The following ERC1 variants were observed in gnomAD, a reference collection of about 807,000 sequenced individuals.
ERC1 encodes the protein ELKS/RAB6-interacting/CAST family member 1, also known as RAB6 interacting protein 2.
In ERC1, 56 loss-of-function variants were observed where a neutral mutation model predicts 132.0. The ratio of observed to expected loss-of-function variants is 0.42; its 90% CI spans 0.34 to 0.53. The LOEUF is 0.53. Ranked by LOEUF, ERC1 falls within the 20% of genes least tolerant of loss-of-function variation. The pLI, the probability that ERC1 is intolerant of heterozygous loss-of-function variation, is 0.03. For missense variants in ERC1, 1,202 were observed against 1,349.9 expected, an observed-to-expected ratio of 0.89 and a Z score of 1.72; for synonymous variants, 478 against 476.1, an observed-to-expected ratio of 1.00 and a Z score of -0.05.
chr12:1,236,055 T>C (rs1264657993), intron 12 of ERC1, among the ~76,000 whole-genome samples: 7 of 152,182 alleles, frequency 4.6e-5, no homozygotes, highest in African/African-American at 1.7e-4. Flanking sequence ...TATCATTCTG[T>C]ACTAAAAAGA....
At position 1,195,802 on chromosome 12, in the gene ERC1, C is replaced by A. The variant is rs754869252; in HGVS notation, c.2351+5750C>A. 1.3e-3 allele frequency among the ~76,000 whole-genome samples: 179 copies of A among 142,708 alleles called. 1 individual carries two copies. The highest frequency in any genetic ancestry group is 1.6e-3 in the Admixed American group (22 of 14,108). 93.6% of individuals were successfully genotyped at this position (142,708 alleles called of 152,430 possible). ...ATAGGACAATTTCTGATTGTTTAAG[C>A]CAGTTTGAATGAGGATTCTCCGTTA... On this transcript the variant is annotated intron_variant, in intron 12 of 18. Transcript: ENST00000360905.
intron 8 of ERC1, among the ~76,000 whole-genome samples, chr12:1,143,325 G>C (rs1950021453): frequency 7.9e-6 from 1 of 126,346 alleles, no homozygotes; most frequent in Non-Finnish European, 1.7e-5. Context: ...TTTGGCTTTT[G>C]ACTCGTGTGT....
chr12:1,013,957 A>T (rs1965105161), intron 1 of ERC1, among the ~76,000 whole-genome samples: 1 of 151,944 alleles, frequency 6.6e-6, no homozygotes, highest in Non-Finnish European at 1.5e-5. Context: ...GCTGATCTGA[A>T]GTGATCCTTT....
intron 7 of ERC1, among the ~76,000 whole-genome samples, chr12:1,123,706 T>A (rs932858204): frequency 2.0e-5 from 3 of 152,138 alleles, no homozygotes; most frequent in Non-Finnish European, 4.4e-5. Flanking sequence ...TTTAAATACA[T>A]AAAGCGGGCC....
At chr12:1,001,077 T>C (rs1380705583) in intron 1 of ERC1, among the ~76,000 whole-genome samples, 1 of 152,036 alleles carries the variant, frequency 6.6e-6, no homozygotes, top group East Asian at 1.9e-4. Flanking sequence ...CTAATTTTTG[T>C]TTTTAGTAGA....
intron 14 of ERC1, 56 bp downstream of exon 14, chr12:1,263,221 A>G: frequency 6.4e-7 from 1 of 1,570,472 alleles, no homozygotes; most frequent in Non-Finnish European, 8.7e-7. Context: ...AAGGTAACAC[A>G]CAACCAGTAT....
intron 1 of ERC1, chr12:991,931 C>T (rs757088062): frequency 2.1e-5 from 3 of 144,144 alleles, no homozygotes; most frequent in Non-Finnish European, 3.0e-5. Flanking sequence ...TTTTATTGCA[C>T]TAGATCTCAC....
At chr12:1,403,955 T>C (rs551231401) in intron 16 of ERC1, among the ~76,000 whole-genome samples, 1 of 152,366 alleles carries the variant, frequency 6.6e-6, no homozygotes, top group East Asian at 1.9e-4. Context: ...TCCTTTCTTC[T>C]ATTTTCCTTT....
intron 8 of ERC1, chr12:1,152,653 TTACTATAC>T (rs1950939225): frequency 6.5e-6 from 1 of 152,782 alleles, no homozygotes; most frequent in South Asian, 2.1e-4. Flanking sequence ...GATGGCCCAT[TTACTATAC>T]TACAGGGCAT....
chr12:1,193,545 T>G (rs937907046), intron 12 of ERC1, among the ~76,000 whole-genome samples: 2 of 151,994 alleles, frequency 1.3e-5, no homozygotes, highest in African/African-American at 4.8e-5. Context: ...TTTATATATA[T>G]TAATATATGC....
intron 16 of ERC1, among the ~76,000 whole-genome samples, chr12:1,388,502 G>A (rs895490206): frequency 6.6e-6 from 1 of 152,140 alleles, no homozygotes; most frequent in African/African-American, 2.4e-5. Context: ...CACTACTCCT[G>A]GGCAGTGACG....
intron 15 of ERC1, among the ~76,000 whole-genome samples, chr12:1,351,436 G>A (rs2084986314): frequency 6.6e-6 from 1 of 152,212 alleles, no homozygotes; most frequent in African/African-American, 2.4e-5. Context: ...CGGTGAATGA[G>A]AATTCCTGTT....
intron 14 of ERC1, among the ~76,000 whole-genome samples, chr12:1,276,128 C>T (rs192185164): frequency 2.0e-5 from 3 of 152,144 alleles, no homozygotes; most frequent in Non-Finnish European, 4.4e-5. Context: ...ATCTCTTCAA[C>T]CTTACCTTAT....
At chr12:1,282,623 T>C (rs1488111513) in intron 14 of ERC1, among the ~76,000 whole-genome samples, 1 of 152,164 alleles carries the variant, frequency 6.6e-6, no homozygotes, top group Non-Finnish European at 1.5e-5. Context: ...TTAGCAATAG[T>C]TGTGAGATCC....
intron 15 of ERC1, among the ~76,000 whole-genome samples, chr12:1,299,912 A>G (rs915034961): frequency 2.6e-5 from 4 of 152,226 alleles, no homozygotes; most frequent in African/African-American, 9.6e-5. Flanking sequence ...AATTTATTAA[A>G]ACTGGCTCAA....
intron 16 of ERC1, among the ~76,000 whole-genome samples, chr12:1,402,951 A>G (rs539910089): frequency 6.2e-4 from 94 of 152,388 alleles, no homozygotes; most frequent in African/African-American, 2.2e-3. Context: ...AAATCTAATT[A>G]GAATTTAAAC....
At chr12:1,293,873 C>T (rs2079696473) in intron 15 of ERC1, among the ~76,000 whole-genome samples, 1 of 152,028 alleles carries the variant, frequency 6.6e-6, no homozygotes, top group South Asian at 2.1e-4. Flanking sequence ...AGTCTGTAGA[C>T]ATATGATAAA....
chr12:1,283,522 A>C (rs889406540), intron 14 of ERC1, among the ~76,000 whole-genome samples: 1 of 152,218 alleles, frequency 6.6e-6, no homozygotes, highest in Non-Finnish European at 1.5e-5. Flanking sequence ...GAAGTAATTA[A>C]ATTTGACTTT....
chr12:1,216,478 A>G (rs1334228482), intron 12 of ERC1, among the ~76,000 whole-genome samples: 2 of 152,026 alleles, frequency 1.3e-5, no homozygotes, highest in Non-Finnish European at 2.9e-5. Flanking sequence ...GCCCTGTGAA[A>G]TCACCAGGTG....
Sources: allele counts gnomAD v4.1 joint callset (sites outside exome capture counted in the v4.1 genomes callset), GRCh38; gene constraint gnomAD v4.1.1; transcripts MANE v1.5; gene names NCBI Gene and HGNC (gene_info 2026-07-23, HGNC 2026-07-21).